Variants in IFIT3 observed in about 807,000 individuals in gnomAD.
The protein encoded by IFIT3 is interferon induced protein with tetratricopeptide repeats 3, also known as interferon-induced protein with tetratricopeptide repeats 3.
In IFIT3, 2 loss-of-function variants were observed where a neutral mutation model predicts 2.4. That is an observed-to-expected ratio of 0.82 (90% CI 0.34 to 2.60). The LOEUF (loss-of-function observed/expected upper bound fraction) is 2.60. Among genes scored for constraint, IFIT3 ranks in the 30% most tolerant of loss-of-function variants. The pLI is 0.11. For missense variants in IFIT3, 481 were observed against 562.4 expected, an observed-to-expected ratio of 0.86 and a Z score of 1.46; for synonymous variants, 203 against 212.1, an observed-to-expected ratio of 0.96 and a Z score of 0.37.
Position 89,339,369 on chromosome 10 carries a change from T to C in IFIT3, c.714T>C (p.Pro238=), listed in dbSNP as rs1316032358. 1.2e-6 allele frequency: 2 copies of C among 1,614,026 alleles called. No individual in the cohort carries two copies. Among genetic ancestry groups the C allele is most frequent in the African/African-American group, 1.3e-5 (1 of 75,032 alleles). The part of the protein sequence containing the change: ...QFVEEALEKS[P]CQTDVLRSAA... The stretch of plus-strand genomic sequence containing the variant: ...TTGAAGAAGCCTTGGAAAAGTCTCC[T>C]TGCCAAACAGATGTCCTCCGCAGTG... The change falls in exon 2 of 2, where the codon CCT becomes CCC. Residue 238 remains proline (P), a synonymous_variant. Transcript: ENST00000371818.
chr10:89,331,678 G>T (rs1843652464), intron 1 of IFIT3, among the ~76,000 whole-genome samples: 1 of 151,912 alleles, frequency 6.6e-6, no homozygotes, highest in Non-Finnish European at 1.5e-5. Context: ...GGGCAACATA[G>T]TGAGACCCCG....
chr10:89,337,280 A>C (rs1843757099), intron 1 of IFIT3, among the ~76,000 whole-genome samples: 1 of 152,250 alleles, frequency 6.6e-6, no homozygotes, highest in African/African-American at 2.4e-5. Context: ...CTTAGTATCC[A>C]TAATATCTAA....
At chr10:89,335,467 A>G (rs143827883) in intron 1 of IFIT3, 167 of 151,882 alleles carry the variant, frequency 1.1e-3, no homozygotes, top group African/African-American at 3.9e-3. Flanking sequence ...CAGAGGGAGA[A>G]TCTTGAGCTA....
rs141270143 is a variant in IFIT3, at chr10:89,338,358, G to A, written c.6-303G>A. On this transcript the variant is annotated intron_variant, in intron 1 of 1. Transcript: ENST00000371818. ...AGTCTAAGGGCAGAAAAAGACCAAT[G>A]TCCTAGCTCAAGCAGTCGGTCAGAG... 6.8e-5 allele frequency: 19 copies of A among 281,276 alleles called. No homozygotes were observed. The East Asian group carries it at 1.3e-3, about 20-fold the overall frequency. 17.4% of individuals were successfully genotyped at this position (281,276 alleles called of 1,614,324 possible).
chr10:89,330,753 A>G (rs1365686612), intron 1 of IFIT3, among the ~76,000 whole-genome samples: 1 of 86,136 alleles, frequency 1.2e-5, no homozygotes, highest in African/African-American at 1.2e-4. Flanking sequence ...CCTTCACTCA[A>G]GATGCCTGAT....
intron 1 of IFIT3, 152 bp downstream of exon 1, chr10:89,328,230 G>GA (rs1436547672): frequency 1.2e-6 from 1 of 832,044 alleles, no homozygotes; most frequent in African/African-American, 1.7e-5. Flanking sequence ...TGTTTGAGGG[G>GA]TTTTTCCCTG....
chr10:89,339,443 T>C lies in IFIT3; in HGVS notation c.788T>C (p.Leu263Pro). ...RKGDLDKAIE[L>P]FQRVLESTPN... ...GGTGACCTAGACAAAGCTATTGAAC[T>C]GTTTCAACGGGTGTTGGAATCCACA... Residue 263 changes from leucine (L) to proline (P), a missense_variant, in exon 2 of 2, where the codon CTG (leucine) becomes CCG (proline). Transcript: ENST00000371818. The C allele has an allele frequency of 6.2e-7, 1 of 1,614,206 alleles. No homozygotes were observed. Among genetic ancestry groups the C allele is most frequent in the Non-Finnish European group, 8.5e-7 (1 of 1,180,028 alleles).
At chr10:89,335,065 C>T (rs138813346) in intron 1 of IFIT3, among the ~76,000 whole-genome samples, 230 of 152,180 alleles carry the variant, frequency 1.5e-3, no homozygotes, top group South Asian at 8.5e-3. Context: ...TCAGGCCTTC[C>T]AGTCCAATAT....
chr10:89,332,694 T>C, intron 1 of IFIT3: 1 of 1,488,818 alleles, frequency 6.7e-7, no homozygotes, highest in South Asian at 1.1e-5. Context: ...ACTTATGCTA[T>C]TTCAGTGTTT....
At chr10:89,329,470 G>C (rs76738771) in intron 1 of IFIT3, among the ~76,000 whole-genome samples, 6,269 of 152,154 alleles carry the variant, frequency 0.041, 433 homozygotes, top group African/African-American at 0.14. Flanking sequence ...TCTGAGGGGG[G>C]CTCTCTGAAC....
chr10:89,339,889 C>T lies in IFIT3; in HGVS notation c.1234C>T (p.Gln412Ter), dbSNP rs199859461. 64 of 1,614,130 alleles carry T rather than the reference C, an allele frequency of 4.0e-5. No individual in the cohort carries two copies. The highest frequency in any genetic ancestry group is 5.2e-5 in the Non-Finnish European group (61 of 1,179,984). Residue 412 changes from glutamine (Q) to a stop codon, truncating the protein, a stop_gained, in exon 2 of 2, where the codon CAA (glutamine) becomes TAA (stop). Coordinates refer to ENST00000371818, the MANE Select transcript of IFIT3 (RefSeq NM_001549.6). LOFTEE classifies it low-confidence loss of function (END_TRUNC). ...PQNVSENLLP[Q>*]NAPNYWYLQG... ...GAATGTATCTGAAAATCTGCTTCCA[C>T]AAAATGCACCAAATTATTGGTATCT...
At position 89,339,070 on chromosome 10, in the gene IFIT3, G is replaced by T; in HGVS notation, c.415G>T (p.Asp139Tyr). Residue 139 changes from aspartate (D) to tyrosine (Y), a missense_variant, in exon 2 of 2, where the codon GAC becomes TAC. Physicochemically the swap from Asp to Tyr is radical, Grantham distance 160. Coordinates refer to ENST00000371818, the MANE Select transcript of IFIT3 (RefSeq NM_001549.6). ...ATACAGTATTGAGTATTCTGAACTT[G>T]ACTGTGAGGAAGGGTGGACACAACT... Reference protein sequence around the residue: ...NPYSIEYSELDCEEGWTQLKC... With the variant: ...NPYSIEYSELYCEEGWTQLKC... The T allele has an allele frequency of 1.9e-6, 3 of 1,614,070 alleles. No homozygotes were observed. In the South Asian group the frequency reaches 3.3e-5, roughly 18 times the overall value.
rs1172418500 is a variant in IFIT3 at position 89,339,260 on chromosome 10, T to TGA, written c.607_608dup (p.Ser203ArgfsTer14). On this transcript the variant is annotated frameshift_variant, in exon 2 of 2. Transcript: ENST00000371818. LOFTEE classifies it low-confidence loss of function (END_TRUNC). ...GATGTTTTGAAGCAGGCCATTGAGC[T>TGA]GAGTCCTGATAACCAATACGTCAAG... is the stretch of plus-strand genomic sequence containing the variant. The TGA allele has an allele frequency of 1.2e-6, 2 of 1,614,210 alleles. No individual in the cohort carries two copies. Among genetic ancestry groups the TGA allele is most frequent in the South Asian group, 2.2e-5 (2 of 91,080 alleles).
intron 1 of IFIT3, among the ~76,000 whole-genome samples, chr10:89,336,136 A>G (rs1843735330): frequency 7.1e-6 from 1 of 140,564 alleles, no homozygotes; most frequent in Non-Finnish European, 1.6e-5. Flanking sequence ...AAGGGAGGAA[A>G]GAAGGAAAAT....
intron 1 of IFIT3, among the ~76,000 whole-genome samples, chr10:89,329,243 T>C (rs1843626911): frequency 6.6e-6 from 1 of 152,118 alleles, no homozygotes; most frequent in Admixed American, 6.6e-5. Flanking sequence ...TGCAATGTCA[T>C]GTTTGGGGAT....
Position 89,328,152 on chromosome 10 carries a change from G to A in IFIT3, c.5+74G>A, listed in dbSNP as rs561865515. ...GTAAGTTGAGTTTCTTACTGTGCAG[G>A]CACATTCCTGAATTGTCCTGATGTT... On this transcript the variant is annotated intron_variant, in intron 1 of 1. Coordinates refer to ENST00000371818, the MANE Select transcript of IFIT3 (RefSeq NM_001549.6). 120 of 1,369,284 alleles carry A rather than the reference G, an allele frequency of 8.8e-5. 2 individuals are homozygous for A. In the South Asian group the frequency reaches 1.2e-3, roughly 14 times the overall value. The allele number at this position is 1,369,284 out of a possible 1,614,324, so 84.8% of individuals were successfully genotyped here. A position where few individuals can be genotyped will look rare whatever the true frequency, so the allele number is the denominator to read the frequency against.
intron 1 of IFIT3, among the ~76,000 whole-genome samples, 184 bp downstream of exon 1, chr10:89,328,262 CA>C (rs1843618326): frequency 6.6e-6 from 1 of 152,090 alleles, no homozygotes; most frequent in Non-Finnish European, 1.5e-5. Flanking sequence ...GGTGTACACA[CA>C]GGCTTCTTAA....
intron 1 of IFIT3, among the ~76,000 whole-genome samples, chr10:89,334,355 A>G (rs563665017): frequency 2.6e-5 from 4 of 151,550 alleles, no homozygotes; most frequent in African/African-American, 7.3e-5. Context: ...CTCTTTCTGG[A>G]CCTGAGGGAA....
chr10:89,337,358 T>C (rs1233846512), intron 1 of IFIT3, among the ~76,000 whole-genome samples: 1 of 152,214 alleles, frequency 6.6e-6, no homozygotes, highest in Non-Finnish European at 1.5e-5. Context: ...ACCCAGAATG[T>C]ACAAGGAATG....
Sources: allele counts gnomAD v4.1 joint callset (sites outside exome capture counted in the v4.1 genomes callset), GRCh38; gene constraint gnomAD v4.1.1; transcripts MANE v1.5; gene names NCBI Gene and HGNC (gene_info 2026-07-23, HGNC 2026-07-21).